Variants in MLLT3 observed in about 807,000 individuals in gnomAD.
The protein encoded by MLLT3 is protein AF-9.
Under a neutral mutation model 53.2 loss-of-function variants are expected in MLLT3, and 4 were observed. That is an observed-to-expected ratio of 0.08 (90% CI 0.04 to 0.17). MLLT3 has a LOEUF of 0.17. MLLT3 is among the 10% of genes least tolerant of loss of function. The probability of loss-of-function intolerance (pLI) is 1.00; values close to 1 mark genes in which losing one functional copy is unlikely to be tolerated. For missense variants in MLLT3, 569 were observed against 684.0 expected, an observed-to-expected ratio of 0.83 and a Z score of 1.87; for synonymous variants, 283 against 230.6, an observed-to-expected ratio of 1.23 and a Z score of -2.06.
Position 20,343,183 on chromosome 9 carries a change from CAAAAAAAAAAAAAAAAAAAAA to C in MLLT3, c.*3239_*3259del. ...TAGGTGGGCCTGTAAAAGATATCGG[CAAAAAAAAAAAAAAAAAAAAA>C]AAAAAAAAAATTTTGAAGAAACTTT... On this transcript the variant is annotated 3_prime_UTR_variant, in exon 11 of 11. Transcript: ENST00000380338. The C allele has an allele frequency of 2.6e-5, 1 of 38,834 alleles. No individual in the cohort carries two copies. Among genetic ancestry groups the C allele is most frequent in the East Asian group, 6.2e-4 (1 of 1,614 alleles). 2.4% of individuals were successfully genotyped at this position (38,834 alleles called of 1,614,324 possible). A position where few individuals can be genotyped will look rare whatever the true frequency, so the allele number is the denominator to read the frequency against.
intron 4 of MLLT3, among the ~76,000 whole-genome samples, chr9:20,446,650 T>TA (rs1358038703): frequency 6.6e-6 from 1 of 152,260 alleles, no homozygotes; most frequent in South Asian, 2.1e-4. Flanking sequence ...CCGAATTCAT[T>TA]AAAAAAATGA....
chr9:20,540,818 C>A (rs1818611122), intron 2 of MLLT3, among the ~76,000 whole-genome samples: 1 of 152,240 alleles, frequency 6.6e-6, no homozygotes, highest in East Asian at 1.9e-4. Flanking sequence ...TCAATTCCTC[C>A]CCAGAAAATG....
At chr9:20,594,719 A>C (rs1820212221) in intron 2 of MLLT3, among the ~76,000 whole-genome samples, 1 of 152,196 alleles carries the variant, frequency 6.6e-6, no homozygotes, top group Non-Finnish European at 1.5e-5. Flanking sequence ...AAGGCGATGA[A>C]AGTGACCTTT....
intron 5 of MLLT3, among the ~76,000 whole-genome samples, chr9:20,395,807 T>G (rs1235782691): frequency 2.0e-5 from 3 of 152,158 alleles, no homozygotes; most frequent in African/African-American, 4.8e-5. Context: ...CTCCGATAGA[T>G]TAAAACATGC....
Position 20,448,875 on chromosome 9 carries a change from T to C in MLLT3, c.277-609A>G, listed in dbSNP as rs1054895472. On this transcript the variant is annotated intron_variant, in intron 3 of 10. Coordinates refer to ENST00000380338, the MANE Select transcript of MLLT3 (RefSeq NM_004529.4). This position sits in a 1 kb window ranked among gnomAD's most constrained non-coding sequence, Gnocchi z 4.0. ...CATAAGGGCCTTCATAATCTGGCTC[T>C]TGGCTTCATATTCCACCATTCCCCT... 2.0e-5 allele frequency among the ~76,000 whole-genome samples: 3 copies of C among 152,210 alleles called. No homozygotes were observed. Among genetic ancestry groups the C allele is most frequent in the Non-Finnish European group, 4.4e-5 (3 of 68,024 alleles).
chr9:20,555,412 C>T (rs1819032351), intron 2 of MLLT3, among the ~76,000 whole-genome samples: 1 of 152,060 alleles, frequency 6.6e-6, no homozygotes, highest in Non-Finnish European at 1.5e-5. Flanking sequence ...CACCCAAAGT[C>T]CTAGGATTAC....
intron 5 of MLLT3, among the ~76,000 whole-genome samples, chr9:20,404,625 G>A (rs1408754876): frequency 1.3e-5 from 2 of 152,122 alleles, no homozygotes; most frequent in Admixed American, 6.5e-5. Context: ...CTGCCTCAGC[G>A]TCTCAAGTGG....
intron 2 of MLLT3, among the ~76,000 whole-genome samples, chr9:20,619,756 G>A (rs1028487211): frequency 6.6e-6 from 1 of 152,170 alleles, no homozygotes; most frequent in Admixed American, 6.5e-5. Flanking sequence ...CTTTCAAAAT[G>A]ACACTCCGTT....
At chr9:20,502,419 T>C (rs1825270300) in intron 2 of MLLT3, 1 of 152,398 alleles carries the variant, frequency 6.6e-6, no homozygotes, top group African/African-American at 2.4e-5. Flanking sequence ...ACCAAGTATT[T>C]TTAAGAGGTG....
chr9:20,467,362 G>C (rs186097414), intron 2 of MLLT3, among the ~76,000 whole-genome samples: 44 of 152,196 alleles, frequency 2.9e-4, no homozygotes, highest in African/African-American at 1.0e-3. Flanking sequence ...GGTGGATCAC[G>C]AGGTCAAGAG....
chr9:20,364,316 GA>G (rs955095977), intron 6 of MLLT3, among the ~76,000 whole-genome samples: 4 of 151,480 alleles, frequency 2.6e-5, no homozygotes, highest in African/African-American at 4.8e-5. Context: ...ACAGGAAAAA[GA>G]AAAAAAATCA....
chr9:20,382,081 G>A (rs931062030), intron 5 of MLLT3, among the ~76,000 whole-genome samples: 1 of 151,874 alleles, frequency 6.6e-6, no homozygotes, highest in Non-Finnish European at 1.5e-5. Context: ...TCACTCTGGA[G>A]AACAAATGCA....
intron 2 of MLLT3, among the ~76,000 whole-genome samples, chr9:20,549,749 C>T (rs766768512): frequency 8.5e-5 from 13 of 152,172 alleles, no homozygotes; most frequent in Non-Finnish European, 1.6e-4. Context: ...CCTACTCAGA[C>T]CTTTTAATCC....
intron 5 of MLLT3, among the ~76,000 whole-genome samples, chr9:20,398,863 T>C (rs533556837): frequency 1.3e-5 from 2 of 152,248 alleles, no homozygotes; most frequent in African/African-American, 2.4e-5. Flanking sequence ...TGTGTTATTT[T>C]TGTGGTTTAA....
intron 4 of MLLT3, among the ~76,000 whole-genome samples, chr9:20,424,103 T>C (rs1823083247): frequency 6.6e-6 from 1 of 152,140 alleles, no homozygotes; most frequent in Admixed American, 6.6e-5. Flanking sequence ...TACTATGCCA[T>C]TTTGTACAAG....
intron 2 of MLLT3, among the ~76,000 whole-genome samples, chr9:20,535,816 G>A (rs556029552): frequency 2.0e-5 from 3 of 151,974 alleles, no homozygotes; most frequent in Non-Finnish European, 4.4e-5. Flanking sequence ...GTTTGATACC[G>A]GCAAGTGTTA....
rs753863919 is a variant in MLLT3 at position 20,448,308 on chromosome 9, G to T, written c.277-42C>A. 6.3e-7 allele frequency: 1 copy of T among 1,584,542 alleles called. No homozygotes were observed. The highest frequency in any genetic ancestry group is 2.2e-5 in the East Asian group (1 of 44,512). ...ATTATGAAAGAAAAAAGAGAGTGAG[G>T]CATAAGTGAAATTTTAAAAGCAAAA... On this transcript the variant is annotated intron_variant, in intron 3 of 10. Transcript: ENST00000380338. This position sits in a 1 kb window ranked among gnomAD's most constrained non-coding sequence, Gnocchi z 4.0.
At chr9:20,470,316 G>C (rs1036694329) in intron 2 of MLLT3, among the ~76,000 whole-genome samples, 1 of 151,932 alleles carries the variant, frequency 6.6e-6, no homozygotes, top group Non-Finnish European at 1.5e-5. Context: ...ATCCCATCTT[G>C]AGAAGCCTGG....
Position 20,343,036 on chromosome 9 carries a change from G to C in MLLT3, c.*3407C>G, listed in dbSNP as rs2118569655. On this transcript the variant is annotated 3_prime_UTR_variant, in exon 11 of 11. Transcript: ENST00000380338. Reference sequence around the variant, plus strand: ...CATCCAACTCCATTAAGTAGGCAAAGTTAAAACATTTAAGAGTAAAGTCTC... The same window carrying C: ...CATCCAACTCCATTAAGTAGGCAAACTTAAAACATTTAAGAGTAAAGTCTC... 1.1e-5 allele frequency: 2 copies of C among 186,742 alleles called. No homozygotes were observed. The highest frequency in any genetic ancestry group is 1.2e-4 in the Admixed American group (2 of 16,014). 11.6% of individuals were successfully genotyped at this position (186,742 alleles called of 1,614,324 possible). A position where few individuals can be genotyped will look rare whatever the true frequency, so the allele number is the denominator to read the frequency against.
Sources: allele counts gnomAD v4.1 joint callset (sites outside exome capture counted in the v4.1 genomes callset), GRCh38; gene constraint gnomAD v4.1.1; non-coding constraint Gnocchi (gnomAD v3.1); transcripts MANE v1.5; gene names NCBI Gene and HGNC (gene_info 2026-07-23, HGNC 2026-07-21).